SPINT2: variants seen among roughly 807,000 people sequenced by gnomAD.
SPINT2 encodes the protein serine peptidase inhibitor, Kunitz type 2, also known as kunitz-type protease inhibitor 2.
In SPINT2, 18 loss-of-function variants were observed where a neutral mutation model predicts 30.1. The ratio of observed to expected loss-of-function variants is 0.60; its 90% CI spans 0.41 to 0.89. The LOEUF is 0.89. SPINT2 is among the 40% of genes least tolerant of loss of function. SPINT2 has a pLI of 0.00. For missense variants in SPINT2, 276 were observed against 334.3 expected (o/e 0.83, Z 1.36); for synonymous variants, 139 against 137.9 (o/e 1.01, Z -0.05).
In SPINT2 at chr19:38,283,701, G is replaced by A; in HGVS notation, c.181G>A (p.Gly61Arg). 5 of 1,614,146 alleles carry A rather than the reference G, an allele frequency of 3.1e-6. No homozygotes were observed. The Middle Eastern group carries it at 4.9e-4, about 160-fold the overall frequency. ...MPRWWYNVTD[G>R]SCQLFVYGGC... ...TAGGTGGTGGTACAATGTCACTGAC[G>A]GATCCTGCCAGCTGTTTGTGTATGG... The change falls in exon 2 of 7, where the codon GGA becomes AGA. Residue 61 changes from glycine (G) to arginine (R), a missense_variant. Gly to Arg is a moderately radical substitution (Grantham distance 125). Coordinates refer to ENST00000301244, the MANE Select transcript of SPINT2 (RefSeq NM_021102.4).
At chr19:38,289,513 A>AAAAAACC (rs1968688044) in intron 4 of SPINT2, 1 of 226,010 alleles carries the variant, frequency 4.4e-6, no homozygotes, top group Non-Finnish European at 8.7e-6. Context: ...AAAAAAAAAA[A>AAAAAACC]CTCCGAAGAA....
intron 1 of SPINT2, among the ~76,000 whole-genome samples, chr19:38,271,490 A>C (rs965393016): frequency 1.5e-5 from 2 of 136,524 alleles, no homozygotes; most frequent in African/African-American, 5.7e-5. Flanking sequence ...AGACTCTCTC[A>C]AAAAAAAAAA....
Position 38,264,958 on chromosome 19 carries a change from C to T in SPINT2, c.66C>T (p.Leu22=). 6.5e-7 allele frequency: 1 copy of T among 1,536,386 alleles called. No homozygotes were observed. The highest frequency in any genetic ancestry group is 8.7e-7 in the Non-Finnish European group (1 of 1,145,526). Residue 22 remains leucine (L), a synonymous_variant, in exon 1 of 7, where the codon CTC becomes CTT. Transcript: ENST00000301244. ...TCGCCCTGCTGGGATCGCTGCTCCT[C>T]TCTGGGGTCCTGGCGGCCGACCGAG... is the stretch of plus-strand genomic sequence containing the variant. ...AFLALLGSLL[L]SGVLAADRER... is the part of the protein sequence containing the mutation.
In SPINT2 at chr19:38,290,387, C is replaced by G; in HGVS notation, c.553+107C>G. The G allele has an allele frequency of 1.3e-6, 2 of 1,577,506 alleles. No individual in the cohort carries two copies. The highest frequency in any genetic ancestry group is 2.3e-5 in the South Asian group (2 of 87,944). On this transcript the variant is annotated intron_variant, in intron 5 of 6. Transcript: ENST00000301244. The surrounding 1 kb of genome is among the most constrained non-coding windows in gnomAD (Gnocchi z 4.3). Reference sequence around the variant, plus strand: ...TTGGAAATGCTGTTCTTGGGCCCACCAGGGCAGCAAGGCCTCTAAGCCCCA... The same window carrying G: ...TTGGAAATGCTGTTCTTGGGCCCACGAGGGCAGCAAGGCCTCTAAGCCCCA...
At position 38,289,078 on chromosome 19, in the gene SPINT2, C is replaced by A. The variant is rs1968678813; in HGVS notation, c.338-60C>A. 1.3e-5 allele frequency: 20 copies of A among 1,531,956 alleles called. No homozygotes were observed. In the South Asian group the frequency reaches 2.2e-4, roughly 17 times the overall value. 94.9% of individuals were successfully genotyped at this position (1,531,956 alleles called of 1,614,324 possible). ...CAGTGGGCCCTTCCAGACCCAGACC[C>A]AGCTAGGCCTGTGTCCTGTGTCCGG... On this transcript the variant is annotated intron_variant, in intron 3 of 6. Transcript: ENST00000301244.
At chr19:38,275,268 C>CTGTT (rs957199982) in intron 1 of SPINT2, among the ~76,000 whole-genome samples, 1 of 152,092 alleles carries the variant, frequency 6.6e-6, no homozygotes, top group Non-Finnish European at 1.5e-5. Flanking sequence ...AACATTCTTT[C>CTGTT]TGTTTGTTTG....
chr19:38,270,446 AC>A (rs916073323), intron 1 of SPINT2, among the ~76,000 whole-genome samples: 4 of 151,898 alleles, frequency 2.6e-5, no homozygotes, highest in Admixed American at 6.6e-5. Flanking sequence ...AACAAAATAG[AC>A]CCCCTCCCCC....
chr19:38,281,557 A>G (rs576039990), intron 1 of SPINT2, among the ~76,000 whole-genome samples: 2 of 152,026 alleles, frequency 1.3e-5, no homozygotes, highest in African/African-American at 4.8e-5. Flanking sequence ...TAAAAATACA[A>G]AATTAGCCAG....
At chr19:38,267,826 C>A (rs916849127) in intron 1 of SPINT2, among the ~76,000 whole-genome samples, 2 of 152,062 alleles carry the variant, frequency 1.3e-5, no homozygotes, top group Admixed American at 1.3e-4. Context: ...GATAACGTGC[C>A]AGGCGGGGTA....
chr19:38,290,115 C>G lies in SPINT2; in HGVS notation c.392-4C>G. On this transcript the variant is annotated splice_region_variant and splice_polypyrimidine_tract_variant and intron_variant, in intron 4 of 6. Coordinates refer to ENST00000301244, the MANE Select transcript of SPINT2 (RefSeq NM_021102.4). The surrounding 1 kb of genome is among the most constrained non-coding windows in gnomAD (Gnocchi z 4.3). The stretch of plus-strand genomic sequence containing the variant: ...TTGTATTCCCTGGGCTGTCTTACTC[C>G]TAGAATACTGCACCGCCAACGCAGT... 1 of 1,612,418 alleles carries G rather than the reference C, an allele frequency of 6.2e-7. No individual in the cohort carries two copies. The highest frequency in any genetic ancestry group is 1.1e-5 in the South Asian group (1 of 91,004).
rs144209971 is a variant in SPINT2, at chr19:38,284,437, T to C, written c.277+640T>C. Among the ~76,000 whole-genome samples, 104 of 152,326 alleles carry C rather than the reference T, an allele frequency of 6.8e-4. 2 individuals are homozygous for C. In the East Asian group the frequency reaches 0.019, roughly 28 times the overall value. ...GACAATTTATTAACTGGAATGTGGA[T>C]ACTTTCCTCTCTTTATTAGTTCTTG... On this transcript the variant is annotated intron_variant, in intron 2 of 6. Coordinates refer to ENST00000301244, the MANE Select transcript of SPINT2 (RefSeq NM_021102.4).
chr19:38,290,077 G>C lies in SPINT2; in HGVS notation c.392-42G>C. On this transcript the variant is annotated intron_variant, in intron 4 of 6. Coordinates refer to ENST00000301244, the MANE Select transcript of SPINT2 (RefSeq NM_021102.4). The surrounding 1 kb of genome is among the most constrained non-coding windows in gnomAD (Gnocchi z 4.3). ...TTTCTGGCTTGCTTCCCCTCCTTGCGGGCCCTACTAATTTGTATTCCCTGG... is the reference window on the plus strand; with the variant it reads ...TTTCTGGCTTGCTTCCCCTCCTTGCCGGCCCTACTAATTTGTATTCCCTGG... 6.2e-7 allele frequency: 1 copy of C among 1,610,804 alleles called. No individual in the cohort carries two copies. The highest frequency in any genetic ancestry group is 8.5e-7 in the Non-Finnish European group (1 of 1,179,034).
chr19:38,292,173 A>G lies in SPINT2; in HGVS notation c.*167A>G. ...TGGCAGGGATGGGTTTGCTTTGGAA[A>G]TCCTCTAGGAGGCTCCTCCTCGCAT... is the stretch of plus-strand genomic sequence containing the variant. On this transcript the variant is annotated 3_prime_UTR_variant, in exon 7 of 7. Coordinates refer to ENST00000301244, the MANE Select transcript of SPINT2 (RefSeq NM_021102.4). The G allele has an allele frequency of 1.1e-6, 1 of 937,500 alleles. No homozygotes were observed. The highest frequency in any genetic ancestry group is 1.6e-5 in the South Asian group (1 of 64,330). 58.1% of individuals were successfully genotyped at this position (937,500 alleles called of 1,614,324 possible). A position where few individuals can be genotyped will look rare whatever the true frequency, so the allele number is the denominator to read the frequency against.
At position 38,290,982 on chromosome 19, in the gene SPINT2, G is replaced by A. The variant is rs1248678935; in HGVS notation, c.592+407G>A. 2 of 308,768 alleles carry A rather than the reference G, an allele frequency of 6.5e-6. No homozygotes were observed. The highest frequency in any genetic ancestry group is 4.4e-5 in the Admixed American group (1 of 22,478). 19.1% of individuals were successfully genotyped at this position (308,768 alleles called of 1,614,324 possible). A position where few individuals can be genotyped will look rare whatever the true frequency, so the allele number is the denominator to read the frequency against. On this transcript the variant is annotated intron_variant, in intron 6 of 6. Coordinates refer to ENST00000301244, the MANE Select transcript of SPINT2 (RefSeq NM_021102.4). The surrounding 1 kb of genome is among the most constrained non-coding windows in gnomAD (Gnocchi z 4.3). ...CCAACACAGTCTGGTCTGAGCGGGA[G>A]GCCAGGCCTCTGGCCTGTGTTTCTG...
chr19:38,289,120 C>T lies in SPINT2; in HGVS notation c.338-18C>T. 6.2e-7 allele frequency: 1 copy of T among 1,613,652 alleles called. No individual in the cohort carries two copies. The highest frequency in any genetic ancestry group is 8.5e-7 in the Non-Finnish European group (1 of 1,179,640). On this transcript the variant is annotated intron_variant, in intron 3 of 6. Transcript: ENST00000301244. ...TGTGTCCGGCCCAGCCTCCCTAACA[C>T]AGATGTTTGTGTTTCAGCTCCCAGA...
At chr19:38,267,505 G>A (rs1485279607) in intron 1 of SPINT2, among the ~76,000 whole-genome samples, 5 of 152,238 alleles carry the variant, frequency 3.3e-5, no homozygotes, top group South Asian at 4.2e-4. Flanking sequence ...AGATGGTAGG[G>A]CCAGCAGATT....
chr19:38,280,234 G>A (rs554417270), intron 1 of SPINT2, among the ~76,000 whole-genome samples: 2 of 152,248 alleles, frequency 1.3e-5, no homozygotes, highest in South Asian at 4.1e-4. Context: ...GGGACAGATC[G>A]TGACCGTGCT....
intron 1 of SPINT2, among the ~76,000 whole-genome samples, chr19:38,266,795 C>G (rs1040808631): frequency 9.9e-5 from 15 of 152,150 alleles, no homozygotes; most frequent in Non-Finnish European, 2.2e-4. Context: ...TGGGGAGAGG[C>G]TCAGCTGTAG....
At chr19:38,273,281 C>CCTAG (rs1968477831) in intron 1 of SPINT2, among the ~76,000 whole-genome samples, 1 of 152,024 alleles carries the variant, frequency 6.6e-6, no homozygotes, top group Non-Finnish European at 1.5e-5. Context: ...ATATATAGAA[C>CCTAG]CTAGCCAGCT....
Sources: gnomAD v4.1 joint callset for allele counts (sites outside exome capture counted in the v4.1 genomes callset) on GRCh38, gnomAD v4.1.1 for gene constraint, Gnocchi (gnomAD v3.1) non-coding constraint, MANE v1.5 for transcripts, NCBI Gene and HGNC (gene_info 2026-07-23, HGNC 2026-07-21) for gene names.